The following FRMD5 variants were observed in gnomAD, a reference collection of about 807,000 sequenced individuals.
FRMD5 encodes FERM domain-containing protein 5.
In FRMD5, 20 loss-of-function variants were observed where a neutral mutation model predicts 69.0. The ratio of observed to expected loss-of-function variants is 0.29; its 90% CI spans 0.20 to 0.42. The LOEUF (loss-of-function observed/expected upper bound fraction) is 0.42. Among genes scored for constraint, FRMD5 ranks in the 10% least tolerant of loss-of-function variants. FRMD5 has a pLI of 1.00. For missense variants in FRMD5, 595 were observed against 708.6 expected, an observed-to-expected ratio of 0.84 and a Z score of 1.82; for synonymous variants, 271 against 260.1, an observed-to-expected ratio of 1.04 and a Z score of -0.40.
chr15:44,193,254 A>G (rs941658541), intron 1 of FRMD5, among the ~76,000 whole-genome samples: 15 of 152,210 alleles, frequency 9.9e-5, no homozygotes, highest in Admixed American at 8.5e-4. Context: ...ATTATTTCAC[A>G]TACCCCAAAA....
chr15:44,122,879 A>T (rs1342627413), intron 1 of FRMD5, among the ~76,000 whole-genome samples: 4 of 139,842 alleles, frequency 2.9e-5, no homozygotes, highest in African/African-American at 1.0e-4. Flanking sequence ...CGACAGAGCA[A>T]GACTCTGTAT....
intron 4 of FRMD5, among the ~76,000 whole-genome samples, chr15:43,912,487 C>T (rs1858059502): frequency 6.6e-6 from 1 of 152,002 alleles, no homozygotes; most frequent in Admixed American, 6.6e-5. Flanking sequence ...TGGATGCAAA[C>T]CTTTTGCCCC....
chr15:44,093,066 G>T (rs2076497375), intron 1 of FRMD5, among the ~76,000 whole-genome samples: 1 of 151,266 alleles, frequency 6.6e-6, no homozygotes, highest in South Asian at 2.1e-4. Context: ...CGAGTAGCTA[G>T]GACTATAGGC....
At chr15:44,166,618 T>C (rs1400665319) in intron 1 of FRMD5, among the ~76,000 whole-genome samples, 1 of 151,650 alleles carries the variant, frequency 6.6e-6, no homozygotes, top group Non-Finnish European at 1.5e-5. Flanking sequence ...ACCCCATCTC[T>C]ACTAAAAATA....
intron 1 of FRMD5, among the ~76,000 whole-genome samples, chr15:44,166,007 A>G (rs183070251): frequency 2.2e-4 from 33 of 152,250 alleles, no homozygotes; most frequent in Non-Finnish European, 4.0e-4. Context: ...ATTTTAAATC[A>G]TTTCCTTAGG....
intron 1 of FRMD5, among the ~76,000 whole-genome samples, chr15:43,967,805 C>T (rs2140565154): frequency 6.6e-6 from 1 of 151,364 alleles, no homozygotes; most frequent in Middle Eastern, 3.4e-3. Context: ...GCAGAATGTG[C>T]AGGTTATATA....
chr15:44,195,332 G>A (rs1044080532), upstream of FRMD5: 29 of 484,344 alleles, frequency 6.0e-5, no homozygotes, highest in African/African-American at 1.2e-4. Flanking sequence ...ACTGGAGGGG[G>A]CCAATGGGGG....
In FRMD5 at chr15:43,901,879, C is replaced by T; in HGVS notation, c.639+296G>A. 8.4e-6 allele frequency: 3 copies of T among 356,748 alleles called. No homozygotes were observed. The South Asian group carries it at 1.1e-4, about 13-fold the overall frequency. The allele number at this position is 356,748 out of a possible 1,614,324, so 22.1% of individuals were successfully genotyped here. On this transcript the variant is annotated intron_variant, in intron 7 of 13. Coordinates refer to ENST00000417257, the MANE Select transcript of FRMD5 (RefSeq NM_032892.5). ...CCTCTGATCGTTCTCTGTGGGGGGC[C>T]TTCCATATCCCTCCTCTCTTCATTT...
intron 1 of FRMD5, among the ~76,000 whole-genome samples, chr15:43,967,976 T>C (rs2140565650): frequency 6.6e-6 from 1 of 152,070 alleles, no homozygotes; most frequent in African/African-American, 2.4e-5. Flanking sequence ...GTCCATGTGT[T>C]TTCATTGTTC....
At chr15:44,150,412 A>G (rs896319212) in intron 1 of FRMD5, among the ~76,000 whole-genome samples, 1 of 144,244 alleles carries the variant, frequency 6.9e-6, no homozygotes, top group South Asian at 2.2e-4. Flanking sequence ...CAAAGATTCC[A>G]CCCCCATCAA....
chr15:43,888,110 C>A, intron 10 of FRMD5, 65 bp downstream of exon 10: 2 of 1,303,514 alleles, frequency 1.5e-6, no homozygotes, highest in Non-Finnish European at 2.2e-6. Context: ...ACTTGGCCTC[C>A]TGTCACCGAC....
At chr15:44,167,438 ATACTC>A in intron 1 of FRMD5, among the ~76,000 whole-genome samples, 1 of 152,234 alleles carries the variant, frequency 6.6e-6, no homozygotes, top group South Asian at 2.1e-4. Context: ...GTAGTAACAA[ATACTC>A]TCTCTGCCCT....
At chr15:44,042,165 T>C (rs1233631196) in intron 1 of FRMD5, among the ~76,000 whole-genome samples, 1 of 151,984 alleles carries the variant, frequency 6.6e-6, no homozygotes, top group Non-Finnish European at 1.5e-5. Flanking sequence ...TCTAAGCAAA[T>C]AAACTAGAAA....
chr15:44,142,301 T>A (rs2077286050), intron 1 of FRMD5, among the ~76,000 whole-genome samples: 1 of 152,232 alleles, frequency 6.6e-6, no homozygotes, highest in African/African-American at 2.4e-5. Context: ...TTAGCTTTGC[T>A]TGTTGCATTT....
chr15:43,974,503 C>T (rs183174383), intron 1 of FRMD5, among the ~76,000 whole-genome samples: 2 of 152,270 alleles, frequency 1.3e-5, no homozygotes, highest in Non-Finnish European at 2.9e-5. Flanking sequence ...CCGCATCTAC[C>T]TTCCCTTTTC....
chr15:44,027,666 T>TC (rs1212142903), intron 1 of FRMD5, among the ~76,000 whole-genome samples: 3 of 149,220 alleles, frequency 2.0e-5, no homozygotes, highest in Admixed American at 6.7e-5. Context: ...TTTTTTTTTT[T>TC]CCGAGACAGA....
At chr15:43,894,480 G>T (rs1318607785) in intron 7 of FRMD5, among the ~76,000 whole-genome samples, 1 of 151,992 alleles carries the variant, frequency 6.6e-6, no homozygotes, top group African/African-American at 2.4e-5. Flanking sequence ...AGTGGGGAAC[G>T]TCCGTATGTG....
At chr15:44,017,195 G>A (rs537252417) in intron 1 of FRMD5, among the ~76,000 whole-genome samples, 123 of 152,032 alleles carry the variant, frequency 8.1e-4, no homozygotes, top group African/African-American at 2.9e-3. Context: ...AAAATTAGCC[G>A]GGCCTGGTGG....
rs575491579 is a variant in FRMD5 at position 44,093,220 on chromosome 15, G to A, written c.102+101733C>T. Among the ~76,000 whole-genome samples, 14 of 152,062 alleles carry A rather than the reference G, an allele frequency of 9.2e-5. 1 individual carries two copies. Among genetic ancestry groups the A allele is most frequent in the African/African-American group, 2.4e-4 (10 of 41,490 alleles). ...GCTGGTATTATGGGCGTGAGCCACC[G>A]CACCCAGCCATTACTCCCTTTTTAT... On this transcript the variant is annotated intron_variant, in intron 1 of 13. Transcript: ENST00000417257.
Sources: gnomAD v4.1 joint callset for allele counts (sites outside exome capture counted in the v4.1 genomes callset) on GRCh38, gnomAD v4.1.1 for gene constraint, MANE v1.5 for transcripts, NCBI Gene and HGNC (gene_info 2026-07-23, HGNC 2026-07-21) for gene names.